The following GALNT13 variants were observed in gnomAD, a reference collection of about 807,000 sequenced individuals.
GALNT13 encodes polypeptide N-acetylgalactosaminyltransferase 13, also known as UDP-GalNAc:polypeptide N-acetylgalactosaminyltransferase 13.
GALNT13 carries 28 observed loss-of-function variants against 64.2 expected under a neutral mutation model. The ratio of observed to expected loss-of-function variants is 0.44; its 90% confidence interval spans 0.32 to 0.60. The LOEUF is 0.60. GALNT13 is among the 20% of genes least tolerant of loss of function. The pLI, the probability that GALNT13 is intolerant of heterozygous loss-of-function variation, is 0.05. For synonymous variants in GALNT13, 214 were observed against 224.6 expected (o/e 0.95, Z 0.42); for missense variants, 577 against 669.8 (o/e 0.86, Z 1.53).
intron 4 of GALNT13, among the ~76,000 whole-genome samples, chr2:154,192,753 T>G (rs1686665441): frequency 1.3e-5 from 2 of 152,178 alleles, no homozygotes; most frequent in African/African-American, 4.8e-5. Context: ...AGGACAAAGG[T>G]TTTCAGAGTA....
chr2:153,925,836 C>T (rs911740118), intron 2 of GALNT13, among the ~76,000 whole-genome samples: 2 of 151,918 alleles, frequency 1.3e-5, no homozygotes, highest in African/African-American at 4.8e-5. Flanking sequence ...AATGGAAGTT[C>T]ATTTGTGATT....
At chr2:153,787,383 C>T in the GALNT13 span, among the ~76,000 whole-genome samples, 1 of 152,138 alleles carries the variant, frequency 6.6e-6, no homozygotes, top group African/African-American at 2.4e-5. Context: ...AAGTCAGCTG[C>T]AAATAAAGAC....
the GALNT13 span, among the ~76,000 whole-genome samples, chr2:153,703,165 T>C: frequency 3.3e-5 from 5 of 152,312 alleles, no homozygotes; most frequent in African/African-American, 1.2e-4. Context: ...TAGCAGTTTG[T>C]ATGAAATGGT....
the GALNT13 span, among the ~76,000 whole-genome samples, chr2:153,507,418 C>A: frequency 6.6e-6 from 1 of 151,994 alleles, no homozygotes; most frequent in Admixed American, 6.5e-5. Context: ...GTAGCTAGGA[C>A]TACAGGCCCG....
the GALNT13 span, among the ~76,000 whole-genome samples, chr2:153,124,088 C>T: frequency 2.6e-5 from 4 of 152,154 alleles, no homozygotes; most frequent in Non-Finnish European, 5.9e-5. Context: ...ATAGAGAGGT[C>T]CACATAGCAA....
intron 8 of GALNT13, among the ~76,000 whole-genome samples, chr2:154,281,688 A>G (rs1403816552): frequency 2.0e-5 from 3 of 152,040 alleles, no homozygotes; most frequent in African/African-American, 7.2e-5. Flanking sequence ...ATACCACTTC[A>G]CCATACCTCT....
intron 3 of GALNT13, among the ~76,000 whole-genome samples, chr2:154,019,615 C>G (rs1171402676): frequency 7.0e-6 from 1 of 143,566 alleles, no homozygotes; most frequent in Non-Finnish European, 1.6e-5. Context: ...CACACACACA[C>G]ACACACACAC....
At chr2:154,127,115 A>G (rs1054024670) in intron 3 of GALNT13, among the ~76,000 whole-genome samples, 4 of 152,178 alleles carry the variant, frequency 2.6e-5, no homozygotes, top group Non-Finnish European at 5.9e-5. Flanking sequence ...TTAGTGATGC[A>G]AGGAGAAAAT....
chr2:153,890,579 G>A (rs1466405780), intron 1 of GALNT13, among the ~76,000 whole-genome samples: 1 of 152,058 alleles, frequency 6.6e-6, no homozygotes, highest in African/African-American at 2.4e-5. Flanking sequence ...AATGGTATGA[G>A]TTCCTGCCTT....
chr2:153,910,231 T>C (rs1688847871), intron 2 of GALNT13, among the ~76,000 whole-genome samples: 1 of 152,108 alleles, frequency 6.6e-6, no homozygotes, highest in Non-Finnish European at 1.5e-5. Context: ...TGAATAGAGG[T>C]ATTCGTAGTA....
chr2:153,798,323 T>C, the GALNT13 span, among the ~76,000 whole-genome samples: 1 of 152,200 alleles, frequency 6.6e-6, no homozygotes, highest in Non-Finnish European at 1.5e-5. Context: ...CAATTTTTAC[T>C]ATTGTATGAT....
rs139328367 is a variant in GALNT13, at chr2:154,244,758, A to G, written c.687-1054A>G. ...ACATGGATTAAAAGTGTACCTAATG[A>G]TTTTCCCAAATGAAATTTTCTACCA... On this transcript the variant is annotated intron_variant, in intron 6 of 12. Coordinates refer to ENST00000392825, the MANE Select transcript of GALNT13 (RefSeq NM_052917.4). Among the ~76,000 whole-genome samples, 3 of 152,270 alleles carry G rather than the reference A, an allele frequency of 2.0e-5. No homozygotes were observed. In the East Asian group the frequency reaches 5.8e-4, roughly 29 times the overall value.
At chr2:153,621,467 C>A in the GALNT13 span, among the ~76,000 whole-genome samples, 1 of 152,136 alleles carries the variant, frequency 6.6e-6, no homozygotes, top group Non-Finnish European at 1.5e-5. Context: ...CCAATGTTCA[C>A]TCAAGTAACT....
the GALNT13 span, among the ~76,000 whole-genome samples, chr2:153,399,914 A>G: frequency 6.6e-6 from 1 of 151,460 alleles, no homozygotes; most frequent in Non-Finnish European, 1.5e-5. Flanking sequence ...AATACCCTTT[A>G]TTTCCTTCTG....
chr2:153,260,624 A>G, the GALNT13 span, among the ~76,000 whole-genome samples: 3 of 151,974 alleles, frequency 2.0e-5, no homozygotes, highest in Non-Finnish European at 4.4e-5. Flanking sequence ...TTTTAGTATC[A>G]TTTTTTATCC....
the GALNT13 span, among the ~76,000 whole-genome samples, chr2:153,400,321 T>G: frequency 1.6e-4 from 25 of 152,118 alleles, no homozygotes; most frequent in African/African-American, 4.6e-4. Flanking sequence ...GCTGGATTCG[T>G]TTTGCCAGTA....
the GALNT13 span, among the ~76,000 whole-genome samples, chr2:153,675,657 C>T: frequency 1.3e-5 from 2 of 152,060 alleles, no homozygotes; most frequent in Admixed American, 6.6e-5. Context: ...CATACCTGCA[C>T]ATTGTGCACA....
chr2:153,688,991 GGTGTGTGTGTGTGTGTGTGTGT>G, the GALNT13 span, among the ~76,000 whole-genome samples: 3 of 130,156 alleles, frequency 2.3e-5, no homozygotes, highest in Non-Finnish European at 3.2e-5. Context: ...TAGAGGTAGG[GGTGTGTGTGTGTGTGTGTGTGT>G]GTGTGTGTGT....
the GALNT13 span, among the ~76,000 whole-genome samples, chr2:153,628,885 C>T: frequency 6.6e-6 from 1 of 152,122 alleles, no homozygotes; most frequent in Non-Finnish European, 1.5e-5. Flanking sequence ...AGGATTCCTT[C>T]TTTTTCTATT....
Sources: allele counts gnomAD v4.1 joint callset (sites outside exome capture counted in the v4.1 genomes callset), GRCh38; gene constraint gnomAD v4.1.1; transcripts MANE v1.5; gene names NCBI Gene and HGNC (gene_info 2026-07-23, HGNC 2026-07-21).